Variants in NXPE2 observed in about 807,000 individuals in gnomAD.
NXPE2 encodes the protein NXPE family member 2.
Under a neutral mutation model 34.4 loss-of-function variants are expected in NXPE2, and 34 were observed. The ratio of observed to expected loss-of-function variants is 0.99; its 90% CI spans 0.75 to 1.31. NXPE2 has a LOEUF of 1.31. Ranked by LOEUF, NXPE2 falls within the 40% of genes most tolerant of loss-of-function variation. The pLI, the probability that NXPE2 is intolerant of heterozygous loss-of-function variation, is 0.00. For synonymous variants in NXPE2, 235 were observed against 231.3 expected (o/e 1.02, Z -0.15); for missense variants, 649 against 672.5 (o/e 0.97, Z 0.39).
chr11:114,542,645 C>T, the NXPE2 span, among the ~76,000 whole-genome samples: 2 of 152,012 alleles, frequency 1.3e-5, no homozygotes. Flanking sequence ...AAGGACATTA[C>T]TTCAAATCAG....
the NXPE2 span, among the ~76,000 whole-genome samples, chr11:114,560,761 G>A: frequency 1.3e-5 from 2 of 152,184 alleles, no homozygotes; most frequent in Non-Finnish European, 2.9e-5. Context: ...GGGTGTATAT[G>A]AATAATTAGG....
chr11:114,649,087 A>T, the NXPE2 span, among the ~76,000 whole-genome samples: 1 of 151,642 alleles, frequency 6.6e-6, no homozygotes, highest in Non-Finnish European at 1.5e-5. Context: ...CTCCACTACC[A>T]TTCCATATTC....
At chr11:114,524,032 C>G in the NXPE2 span, among the ~76,000 whole-genome samples, 2 of 152,190 alleles carry the variant, frequency 1.3e-5, no homozygotes, top group Non-Finnish European at 2.9e-5. Flanking sequence ...GACTCTTGTT[C>G]CTTCTATGTT....
the NXPE2 span, among the ~76,000 whole-genome samples, chr11:114,774,438 G>A: frequency 6.6e-6 from 1 of 152,334 alleles, no homozygotes; most frequent in African/African-American, 2.4e-5. Context: ...AAGATGTGAA[G>A]GAGGCGGCTG....
At chr11:114,609,178 A>G in the NXPE2 span, among the ~76,000 whole-genome samples, 2 of 151,058 alleles carry the variant, frequency 1.3e-5, no homozygotes. Flanking sequence ...GATGATAAAT[A>G]TTGCCTCATG....
the NXPE2 span, chr11:114,554,490 T>G: frequency 1.7e-6 from 1 of 587,226 alleles, no homozygotes; most frequent in South Asian, 7.5e-5. Flanking sequence ...TAAAATAAAA[T>G]GTATAGAATT....
chr11:114,617,787 T>C, the NXPE2 span, among the ~76,000 whole-genome samples: 10 of 152,056 alleles, frequency 6.6e-5, no homozygotes, highest in Admixed American at 6.6e-4. Context: ...GCCTTGTGGG[T>C]AAGCACGGTT....
intron 2 of NXPE2, among the ~76,000 whole-genome samples, chr11:114,687,896 TTA>T (rs1035282091): frequency 3.6e-4 from 55 of 152,134 alleles, no homozygotes; most frequent in African/African-American, 1.3e-3. Context: ...AGCTTGAACA[TTA>T]TTGGTTTATA....
the NXPE2 span, chr11:114,580,172 C>T: frequency 9.3e-5 from 150 of 1,614,012 alleles, 3 homozygotes; most frequent in Middle Eastern, 1.8e-3. Context: ...ACTGGCGGAT[C>T]GTGGAATCTC....
chr11:114,556,421 A>C, the NXPE2 span, among the ~76,000 whole-genome samples: 1 of 152,142 alleles, frequency 6.6e-6, no homozygotes, highest in Non-Finnish European at 1.5e-5. Context: ...ATTTGAGAGT[A>C]GATTTCAGGG....
chr11:114,486,816 A>G, the NXPE2 span, among the ~76,000 whole-genome samples: 1 of 151,770 alleles, frequency 6.6e-6, no homozygotes, highest in Admixed American at 6.6e-5. Flanking sequence ...AGATGTATGG[A>G]TTTGTTTCTG....
At chr11:114,607,319 TGTTAGCCCGTTGATACTAAGTA>T in the NXPE2 span, among the ~76,000 whole-genome samples, 2 of 151,428 alleles carry the variant, frequency 1.3e-5, no homozygotes, top group South Asian at 4.2e-4. Context: ...GGGTCACCAT[TGTTAGCCCGTTGATACTAAGTA>T]TTGCCTCGTG....
chr11:114,765,451 TA>T, the NXPE2 span, among the ~76,000 whole-genome samples: 14,398 of 152,308 alleles, frequency 0.095, 743 homozygotes, highest in Middle Eastern at 0.13. Flanking sequence ...TTCTTAGATA[TA>T]ATGCTGTTGC....
the NXPE2 span, among the ~76,000 whole-genome samples, chr11:114,545,660 C>T: frequency 1.1e-4 from 16 of 151,266 alleles, no homozygotes; most frequent in Admixed American, 9.9e-4. Context: ...ACTGCAAAAG[C>T]TCATTGAATC....
chr11:114,703,920 A>C (rs544643464), intron 3 of NXPE2, 71 bp from the exon 4 acceptor site: 1 of 1,107,248 alleles, frequency 9.0e-7, no homozygotes, highest in Non-Finnish European at 1.3e-6. Context: ...GGTTTAATCC[A>C]TCTAAACCAG....
At chr11:114,740,842 C>T in the NXPE2 span, among the ~76,000 whole-genome samples, 1 of 152,042 alleles carries the variant, frequency 6.6e-6, no homozygotes, top group Non-Finnish European at 1.5e-5. Flanking sequence ...ATGTATTTAG[C>T]CTTTCTGTTA....
At chr11:114,808,987 T>C in the NXPE2 span, among the ~76,000 whole-genome samples, 4 of 152,170 alleles carry the variant, frequency 2.6e-5, no homozygotes, top group South Asian at 4.1e-4. Context: ...TCAAAAAGCT[T>C]ATCCACCATG....
the NXPE2 span, among the ~76,000 whole-genome samples, chr11:114,478,347 C>T: frequency 6.6e-6 from 1 of 152,158 alleles, no homozygotes; most frequent in Non-Finnish European, 1.5e-5. Context: ...TTGAGAAAGA[C>T]ATTCCTTGGT....
the NXPE2 span, among the ~76,000 whole-genome samples, chr11:114,581,128 A>G: frequency 6.6e-6 from 1 of 152,150 alleles, no homozygotes; most frequent in Admixed American, 6.5e-5. Context: ...ATGATTAGCA[A>G]GGTTTTAATG....
Sources: allele counts gnomAD v4.1 joint callset (sites outside exome capture counted in the v4.1 genomes callset), GRCh38; gene constraint gnomAD v4.1.1; transcripts MANE v1.5; gene names NCBI Gene and HGNC (gene_info 2026-07-23, HGNC 2026-07-21).